The following CARNMT1 variants were observed in gnomAD, a reference collection of about 807,000 sequenced individuals.
CARNMT1 encodes carnosine N-methyltransferase 1, also known as protein-L-histidine N-pros-methyltransferase CARNMT1.
In CARNMT1, 28 loss-of-function variants were observed where a neutral mutation model predicts 49.6. That is an observed-to-expected ratio of 0.56 (90% CI 0.42 to 0.77). The LOEUF (loss-of-function observed/expected upper bound fraction) is 0.77, where lower values mean the gene tolerates loss of function less well. Among genes scored for constraint, CARNMT1 ranks in the 30% least tolerant of loss-of-function variants. The pLI, the probability that CARNMT1 is intolerant of heterozygous loss-of-function variation, is 0.00. For missense variants in CARNMT1, 421 were observed against 512.6 expected, an observed-to-expected ratio of 0.82 and a Z score of 1.73; for synonymous variants, 178 against 175.0, an observed-to-expected ratio of 1.02 and a Z score of -0.13.
At chr9:75,028,365 C>T (rs1428814952), upstream of CARNMT1, 2 of 1,301,460 alleles carry the variant, frequency 1.5e-6, no homozygotes, top group East Asian at 3.2e-5. Flanking sequence ...CGGCGCGCTC[C>T]GCCCCCGCCA....
chr9:74,998,652 C>A lies in CARNMT1; in HGVS notation c.856G>T (p.Gly286Cys). 4 of 1,603,766 alleles carry A rather than the reference C, an allele frequency of 2.5e-6. No homozygotes were observed. The highest frequency in any genetic ancestry group is 3.4e-6 in the Non-Finnish European group (4 of 1,175,460). The change falls in exon 5 of 8, where the codon GGT (glycine) becomes TGT (cysteine). Residue 286 changes from glycine (G) to cysteine (C), a missense_variant. This residue lies in a region of CARNMT1 where 235 missense variants were observed against 344.8 expected (regional missense o/e 0.68). Transcript: ENST00000376834. Reference sequence around the variant, plus strand: ...CCTGCTGTCATAGAAAAGTTAGAACCAGGAGGAAGACTGTGGGGGTCAACA... The same window carrying A: ...CCTGCTGTCATAGAAAAGTTAGAACAAGGAGGAAGACTGTGGGGGTCAACA... Reference protein sequence around the residue: ...PDVDPHSLPPGSNFSMTAGDF... With the variant: ...PDVDPHSLPPCSNFSMTAGDF...
intron 3 of CARNMT1, among the ~76,000 whole-genome samples, chr9:75,012,288 T>G (rs890640711): frequency 1.3e-5 from 2 of 148,756 alleles, no homozygotes; most frequent in Admixed American, 6.6e-5. Flanking sequence ...TTTTTGGTTT[T>G]TTTTTTTTTT....
At chr9:75,003,158 C>T (rs1197789112) in intron 3 of CARNMT1, among the ~76,000 whole-genome samples, 2 of 152,216 alleles carry the variant, frequency 1.3e-5, no homozygotes, top group African/African-American at 4.8e-5. Context: ...CAACTTCTCA[C>T]TGATCCCAGA....
At chr9:75,012,946 G>A (rs1478008942) in intron 3 of CARNMT1, among the ~76,000 whole-genome samples, 1 of 151,798 alleles carries the variant, frequency 6.6e-6, no homozygotes, top group Non-Finnish European at 1.5e-5. Context: ...TTATCTATAT[G>A]TACTGTTAAA....
intron 3 of CARNMT1, among the ~76,000 whole-genome samples, chr9:75,007,254 C>T (rs1173575564): frequency 6.6e-6 from 1 of 151,984 alleles, no homozygotes; most frequent in Non-Finnish European, 1.5e-5. Flanking sequence ...TTTATTTAAA[C>T]AATTATTTAC....
intron 3 of CARNMT1, 190 bp downstream of exon 3, chr9:75,016,078 A>C: frequency 2.3e-6 from 1 of 442,396 alleles, no homozygotes; most frequent in East Asian, 3.5e-5. Context: ...AAGCACCAGC[A>C]TAAAAATTAT....
rs1674279202 is a variant in CARNMT1 at position 74,984,941 on chromosome 9, T to C, written c.1094A>G (p.Lys365Arg). The C allele has an allele frequency of 6.2e-7, 1 of 1,613,710 alleles. No individual in the cohort carries two copies. Among genetic ancestry groups the C allele is most frequent in the South Asian group, 1.1e-5 (1 of 91,082 alleles). ...GAATCCATACTGCAGAACAACGTTT[T>C]TTATATCCTCATAGCTCAATTCTAT... Reference protein sequence around the residue: ...LSIELSYEDIKNVVLQYGFKV... With the variant: ...LSIELSYEDIRNVVLQYGFKV... The change falls in exon 7 of 8, where the codon AAA (lysine) becomes AGA (arginine). Residue 365 changes from lysine to arginine, a missense_variant. Transcript: ENST00000376834.
chr9:75,028,384 C>T (rs1039558402), upstream of CARNMT1: 3 of 1,297,796 alleles, frequency 2.3e-6, no homozygotes, highest in African/African-American at 1.6e-5. Flanking sequence ...CACCCTCAGG[C>T]CTCCATCCGC....
At chr9:75,006,713 A>C (rs1235640660) in intron 3 of CARNMT1, among the ~76,000 whole-genome samples, 1 of 152,198 alleles carries the variant, frequency 6.6e-6, no homozygotes, top group Non-Finnish European at 1.5e-5. Flanking sequence ...TTAAGTTTTA[A>C]ATCCTGCAAA....
chr9:75,027,063 G>A (rs1365734204), intron 1 of CARNMT1: 30 of 1,303,888 alleles, frequency 2.3e-5, no homozygotes, highest in Non-Finnish European at 2.9e-5. Context: ...CTGCGTAGGA[G>A]GTCATGTCTG....
rs1181265921 is a variant in CARNMT1, at chr9:74,999,723, T to A, written c.731+7A>T. 1 of 1,591,122 alleles carries A rather than the reference T, an allele frequency of 6.3e-7. No individual in the cohort carries two copies. Among genetic ancestry groups the A allele is most frequent in the Non-Finnish European group, 8.5e-7 (1 of 1,173,182 alleles). On this transcript the variant is annotated splice_region_variant and intron_variant, in intron 4 of 7. Transcript: ENST00000376834. ...TTACTATTTCCAGCAAAAAATAAATTAAATACCTGTTGAGTACAAAGTTGG... is the reference window on the plus strand; with the variant it reads ...TTACTATTTCCAGCAAAAAATAAATAAAATACCTGTTGAGTACAAAGTTGG...
rs762200815 is a variant in CARNMT1 at position 75,028,096 on chromosome 9, G to C, written c.146C>G (p.Ala49Gly). 7 of 1,544,864 alleles carry C rather than the reference G, an allele frequency of 4.5e-6. No homozygotes were observed. The highest frequency in any genetic ancestry group is 6.1e-6 in the Non-Finnish European group (7 of 1,146,752). ...SAAAVSAAAA[A>G]ATRSTEEEEE... The stretch of plus-strand genomic sequence containing the variant: ...CTCCTCCTCGGTGCTGCGCGTGGCC[G>C]CCGCCGCTGCCGCCGAAACCGCCGC... The change falls in exon 1 of 8, where the codon GCG (alanine) becomes GGG (glycine). Residue 49 changes from alanine to glycine, a missense_variant. By Grantham distance (60) the Ala-to-Gly change is moderately conservative (BLOSUM62 0). Transcript: ENST00000376834.
intron 3 of CARNMT1, chr9:75,010,003 G>C (rs1833637157): frequency 6.6e-6 from 1 of 150,766 alleles, no homozygotes; most frequent in Non-Finnish European, 1.5e-5. Context: ...TACAGACAGA[G>C]TATATGTGTA....
chr9:75,000,491 T>C (rs1233935890), intron 3 of CARNMT1, among the ~76,000 whole-genome samples: 1 of 152,064 alleles, frequency 6.6e-6, no homozygotes, highest in Non-Finnish European at 1.5e-5. Context: ...ACCAAACTGA[T>C]CTCTACCTAC....
At chr9:75,007,097 G>A (rs1349068025) in intron 3 of CARNMT1, among the ~76,000 whole-genome samples, 2 of 152,124 alleles carry the variant, frequency 1.3e-5, no homozygotes, top group Non-Finnish European at 2.9e-5. Flanking sequence ...AAAACCTACA[G>A]ATATTTTGAA....
At chr9:75,016,188 C>T (rs34980997) in intron 3 of CARNMT1, 80 bp downstream of exon 3, 50,249 of 1,080,216 alleles carry the variant, frequency 0.047, 2,740 homozygotes, top group East Asian at 0.25. Context: ...AACAATGAAG[C>T]GAGACTGTGA....
At chr9:75,009,886 A>T (rs1424152623) in intron 3 of CARNMT1, 3 of 152,222 alleles carry the variant, frequency 2.0e-5, no homozygotes. Context: ...TCGCACAAAC[A>T]GAATGTAAGA....
chr9:75,009,470 C>T (rs559578923), intron 3 of CARNMT1, among the ~76,000 whole-genome samples: 1 of 151,996 alleles, frequency 6.6e-6, no homozygotes, highest in South Asian at 2.1e-4. Context: ...AAAGATATTC[C>T]TACTACTCTG....
chr9:74,981,224 A>G lies in CARNMT1; in HGVS notation c.*2543T>C, dbSNP rs1403224034. 3 of 152,244 alleles carry G rather than the reference A, an allele frequency of 2.0e-5. No homozygotes were observed. Among genetic ancestry groups the G allele is most frequent in the Middle Eastern group, 3.4e-3 (1 of 292 alleles). The allele number at this position is 152,244 out of a possible 1,614,324, so 9.4% of individuals were successfully genotyped here. On this transcript the variant is annotated 3_prime_UTR_variant, in exon 8 of 8. Transcript: ENST00000376834. Reference sequence around the variant, plus strand: ...ACTGTGATTTTTACAGCTTCTCCTTATATTGTACATGTTCCACCTTGCTCA... The same window carrying G: ...ACTGTGATTTTTACAGCTTCTCCTTGTATTGTACATGTTCCACCTTGCTCA...
Sources: allele counts gnomAD v4.1 joint callset (sites outside exome capture counted in the v4.1 genomes callset), GRCh38; gene constraint gnomAD v4.1.1; regional missense constraint gnomAD v4.1.1; transcripts MANE v1.5; gene names NCBI Gene and HGNC (gene_info 2026-07-23, HGNC 2026-07-21).